DMC1: variants seen among roughly 807,000 people sequenced by gnomAD.
The protein encoded by DMC1 is DNA meiotic recombinase 1.
DMC1 carries 27 observed loss-of-function variants against 50.1 expected under a neutral mutation model. The ratio of observed to expected loss-of-function variants is 0.54; its 90% CI spans 0.40 to 0.74. The LOEUF is 0.74. DMC1 is among the 30% of genes least tolerant of loss of function. DMC1 has a pLI of 0.00. For missense variants in DMC1, 295 were observed against 420.2 expected (o/e 0.70, Z 2.60); for synonymous variants, 148 against 136.1 (o/e 1.09, Z -0.61).
the DMC1 span, among the ~76,000 whole-genome samples, chr22:38,509,317 C>T: frequency 1.3e-5 from 2 of 152,064 alleles, no homozygotes; most frequent in East Asian, 1.9e-4. Flanking sequence ...GCTCTCCCTC[C>T]GCCGACCCCC....
intron 6 of DMC1, among the ~76,000 whole-genome samples, chr22:38,554,705 A>G (rs2090450512): frequency 6.6e-6 from 1 of 152,080 alleles, no homozygotes; most frequent in African/African-American, 2.4e-5. Context: ...GGATATAATC[A>G]GGGAAGAGGG....
At chr22:38,552,024 CTAAT>C (rs2090418448) in intron 7 of DMC1, among the ~76,000 whole-genome samples, 1 of 151,998 alleles carries the variant, frequency 6.6e-6, no homozygotes, top group Non-Finnish European at 1.5e-5. Context: ...CCATGCCCGG[CTAAT>C]TTTTTTGTAT....
chr22:38,529,001 C>T (rs1021504712), intron 12 of DMC1, among the ~76,000 whole-genome samples: 16 of 151,858 alleles, frequency 1.1e-4, no homozygotes, highest in African/African-American at 3.6e-4. Flanking sequence ...TAATTTTCTT[C>T]TATTTCTTTC....
chr22:38,541,598 T>C (rs377724621), intron 8 of DMC1, among the ~76,000 whole-genome samples: 3 of 152,210 alleles, frequency 2.0e-5, no homozygotes, highest in Admixed American at 2.0e-4. Context: ...AATAAACATA[T>C]AGCTGAGAAG....
chr22:38,510,114 C>T, the DMC1 span, among the ~76,000 whole-genome samples: 32 of 151,998 alleles, frequency 2.1e-4, no homozygotes, highest in African/African-American at 7.3e-4. Flanking sequence ...GAGGCTGAGG[C>T]AGGAGAATCG....
At chr22:38,538,150 CA>C (rs368087728) in intron 11 of DMC1, 144 bp downstream of exon 11, 942 of 618,822 alleles carry the variant, frequency 1.5e-3, no homozygotes, top group East Asian at 2.1e-3. Context: ...TCTCAAAAAA[CA>C]AAAAAAAAAC....
At chr22:38,510,761 T>G in the DMC1 span, among the ~76,000 whole-genome samples, 1 of 152,126 alleles carries the variant, frequency 6.6e-6, no homozygotes, top group African/African-American at 2.4e-5. Flanking sequence ...ACACCGAAGG[T>G]GGGGAAAGTG....
chr22:38,518,381 G>A (rs1000099582), downstream of DMC1, among the ~76,000 whole-genome samples: 2 of 152,120 alleles, frequency 1.3e-5, no homozygotes, highest in African/African-American at 4.8e-5. Flanking sequence ...CTCTTAACTA[G>A]TGTACACATG....
At chr22:38,563,515 CCT>C (rs950068857) in intron 4 of DMC1, among the ~76,000 whole-genome samples, 42 of 151,896 alleles carry the variant, frequency 2.8e-4, no homozygotes, top group Non-Finnish European at 5.9e-5. Flanking sequence ...TTCTTTCTCT[CCT>C]CTCTCTCTGT....
At chr22:38,568,451 T>TTG (rs11570378) in intron 1 of DMC1, 162 bp from the exon 2 acceptor site, 9,664 of 569,840 alleles carry the variant, frequency 0.017, 70 homozygotes, top group African/African-American at 0.053. Context: ...ACATTATTTC[T>TTG]TGTGTGTGTG....
chr22:38,542,172 G>A (rs1056639548), intron 8 of DMC1, among the ~76,000 whole-genome samples: 2 of 150,488 alleles, frequency 1.3e-5, no homozygotes, highest in Non-Finnish European at 3.0e-5. Flanking sequence ...TTTCACCACT[G>A]TTATTCAACA....
At chr22:38,525,782 A>G (rs1333807423) in intron 12 of DMC1, among the ~76,000 whole-genome samples, 1 of 152,090 alleles carries the variant, frequency 6.6e-6, no homozygotes, top group Non-Finnish European at 1.5e-5. Context: ...CTCTACAAAA[A>G]TACAACAATT....
intron 8 of DMC1, 109 bp from the exon 9 acceptor site, chr22:38,539,521 AC>A (rs1204034209): frequency 1.2e-6 from 1 of 856,644 alleles, no homozygotes; most frequent in Non-Finnish European, 1.9e-6. Context: ...CAAACAATGT[AC>A]CTGTGAAGGT....
chr22:38,520,488 G>C (rs2090012696), intron 13 of DMC1, among the ~76,000 whole-genome samples: 1 of 151,982 alleles, frequency 6.6e-6, no homozygotes, highest in Non-Finnish European at 1.5e-5. Flanking sequence ...CTCCTGAGTA[G>C]CTGGGATTAC....
the DMC1 span, among the ~76,000 whole-genome samples, chr22:38,513,872 G>T: frequency 1.3e-5 from 2 of 152,222 alleles, no homozygotes; most frequent in African/African-American, 4.8e-5. Context: ...GGCCCAGAAT[G>T]AATAATCTAT....
intron 8 of DMC1, among the ~76,000 whole-genome samples, chr22:38,540,164 G>C (rs1376604676): frequency 2.0e-5 from 3 of 151,822 alleles, no homozygotes; most frequent in African/African-American, 7.3e-5. Flanking sequence ...TCCTCCTTCA[G>C]TCTCCTGAGT....
At chr22:38,548,483 G>A (rs1284956648) in intron 8 of DMC1, among the ~76,000 whole-genome samples, 2 of 152,168 alleles carry the variant, frequency 1.3e-5, no homozygotes, top group Admixed American at 1.3e-4. Context: ...GCTGAAGTGG[G>A]AGGATCACTT....
At chr22:38,539,121 C>G (rs2090251509) in intron 9 of DMC1, among the ~76,000 whole-genome samples, 200 bp downstream of exon 9, 2 of 151,924 alleles carry the variant, frequency 1.3e-5, no homozygotes, top group South Asian at 4.1e-4. Flanking sequence ...CTCTTAATTT[C>G]AAAGACAAAG....
chr22:38,510,083 C>A, the DMC1 span, among the ~76,000 whole-genome samples: 1 of 152,024 alleles, frequency 6.6e-6, no homozygotes, highest in African/African-American at 2.4e-5. Flanking sequence ...GGCGTGATGG[C>A]GCATGCCTGT....
Sources: gnomAD v4.1 joint callset for allele counts (sites outside exome capture counted in the v4.1 genomes callset) on GRCh38, gnomAD v4.1.1 for gene constraint, MANE v1.5 for transcripts, NCBI Gene and HGNC (gene_info 2026-07-23, HGNC 2026-07-21) for gene names.